Variants in BRD8 observed in about 807,000 individuals in gnomAD.
BRD8 encodes bromodomain containing 8.
Under a neutral mutation model 143.1 loss-of-function variants are expected in BRD8, and 67 were observed. The observed-to-expected ratio is 0.47, with a 90% CI of 0.38 to 0.57. The LOEUF (loss-of-function observed/expected upper bound fraction) is 0.57. Among genes scored for constraint, BRD8 ranks in the 20% least tolerant of loss-of-function variants. The pLI is 0.00. For synonymous variants in BRD8, 505 were observed against 517.1 expected (o/e 0.98, Z 0.32); for missense variants, 1,103 against 1,503.0 (o/e 0.73, Z 4.40).
intron 23 of BRD8, among the ~76,000 whole-genome samples, chr5:138,147,535 G>T (rs938519736): frequency 4.6e-5 from 7 of 152,094 alleles, no homozygotes; most frequent in African/African-American, 1.7e-4. Context: ...TTTGCTGGAC[G>T]TAGTGGCTCA....
intron 25 of BRD8, among the ~76,000 whole-genome samples, chr5:138,142,552 C>G (rs1022101895): frequency 6.6e-6 from 1 of 151,546 alleles, no homozygotes; most frequent in Non-Finnish European, 1.5e-5. Flanking sequence ...ATCACGAGGT[C>G]AAGAGATTGA....
At chr5:138,161,757 A>T (rs1753016355) in intron 17 of BRD8, 39 bp downstream of exon 17, 1 of 1,589,282 alleles carries the variant, frequency 6.3e-7, no homozygotes, top group Non-Finnish European at 8.6e-7. Flanking sequence ...ACAATTTATA[A>T]TTCAGGCAAG....
intron 2 of BRD8, among the ~76,000 whole-genome samples, chr5:138,173,189 G>A (rs1222331927): frequency 6.6e-6 from 1 of 152,132 alleles, no homozygotes; most frequent in Non-Finnish European, 1.5e-5. Context: ...CTTGAGATGA[G>A]GAGTTTGAGA....
intron 25 of BRD8, among the ~76,000 whole-genome samples, chr5:138,143,833 G>A (rs1752018792): frequency 6.6e-6 from 1 of 152,200 alleles, no homozygotes; most frequent in East Asian, 1.9e-4. Flanking sequence ...TCAGCACTCT[G>A]TAAAATGGAC....
chr5:138,171,499 T>G, intron 3 of BRD8, 89 bp from the exon 4 acceptor site: 1 of 861,082 alleles, frequency 1.2e-6, no homozygotes, highest in Non-Finnish European at 1.9e-6. Context: ...AGAGTAAGAT[T>G]TAGAGAAGAG....
chr5:138,140,250 T>A, intron 26 of BRD8, 84 bp from the exon 27 acceptor site: 1 of 993,746 alleles, frequency 1.0e-6, no homozygotes, highest in Non-Finnish European at 1.6e-6. Flanking sequence ...GCAAATAGAC[T>A]CAACTATACT....
chr5:138,142,380 G>A (rs1225275038), intron 25 of BRD8, among the ~76,000 whole-genome samples: 1 of 152,172 alleles, frequency 6.6e-6, no homozygotes, highest in Non-Finnish European at 1.5e-5. Context: ...TAGCAGCACA[G>A]ACTAGTGACT....
chr5:138,152,362 T>C (rs1752408157), intron 21 of BRD8, 120 bp downstream of exon 21: 1 of 1,356,324 alleles, frequency 7.4e-7, no homozygotes, highest in African/African-American at 1.5e-5. Context: ...ACTTAATCCC[T>C]GCCACTGTGG....
rs1182995475 is a variant in BRD8, at chr5:138,163,270, A to G, written c.1947T>C (p.Asp649=). The change falls in exon 15 of 27, where the codon GAT becomes GAC. Residue 649 remains aspartate, a synonymous_variant. Transcript: ENST00000254900. ...AASLEEPKEE[D]QGEGYLSEMD... ...TTTCTGACAAGTAGCCTTCTCCTTG[A>G]TCCTCTTCCTTAGGCTCCTCTAGGC... is the stretch of plus-strand genomic sequence containing the variant. 7 of 1,613,946 alleles carry G rather than the reference A, an allele frequency of 4.3e-6. No homozygotes were observed. Among genetic ancestry groups the G allele is most frequent in the Non-Finnish European group, 5.9e-6 (7 of 1,180,026 alleles).
At chr5:138,152,186 C>T (rs1420147995) in intron 21 of BRD8, among the ~76,000 whole-genome samples, 2 of 151,898 alleles carry the variant, frequency 1.3e-5, no homozygotes, top group African/African-American at 4.8e-5. Flanking sequence ...GATGGGGTTT[C>T]ACCATGTTGG....
At position 138,171,148 on chromosome 5, in the gene BRD8, A is replaced by C. The variant is rs759053564; in HGVS notation, c.249T>G (p.Gly83=). Residue 83 remains glycine (G), a synonymous_variant, in exon 5 of 27, where the codon GGT becomes GGG. Coordinates refer to ENST00000254900, the MANE Select transcript of BRD8 (RefSeq NM_139199.2). ...CAGTTTCCACCACTTCTCCCTTTTC[A>C]CCTCGTTTCCGTCTGTGGAAAATTG... ...ETTETPKRKR[G]EKGEVVETVE... is the part of the protein sequence containing the mutation. The C allele has an allele frequency of 2.0e-5, 33 of 1,609,898 alleles. No individual in the cohort carries two copies. The highest frequency in any genetic ancestry group is 2.6e-5 in the Non-Finnish European group (31 of 1,178,808).
In BRD8 at chr5:138,170,332, A is replaced by T. The variant is rs763361028; in HGVS notation, c.505+13T>A. On this transcript the variant is annotated intron_variant, in intron 7 of 26. Transcript: ENST00000254900. ...CAATCAATTGCTAAAGAGGCATACT[A>T]GGTTCAGCTTACCCTGGTATGCAGC... 4 of 1,565,510 alleles carry T rather than the reference A, an allele frequency of 2.6e-6. No individual in the cohort carries two copies. In the South Asian group the frequency reaches 3.3e-5, roughly 13 times the overall value.
chr5:138,146,969 C>CAAAAAAAA (rs60597015), intron 23 of BRD8, among the ~76,000 whole-genome samples: 1 of 49,048 alleles, frequency 2.0e-5, no homozygotes, highest in Non-Finnish European at 4.4e-5. Flanking sequence ...AACTCCGTCT[C>CAAAAAAAA]AAAAAAAAAA....
intron 6 of BRD8, 137 bp from the exon 7 acceptor site, chr5:138,170,546 A>G (rs749810379): frequency 2.1e-6 from 2 of 953,798 alleles, no homozygotes; most frequent in Non-Finnish European, 3.4e-6. Flanking sequence ...CTAACCAGCA[A>G]AACAGTGAAT....
At chr5:138,156,929 G>T in intron 20 of BRD8, 1 of 1,232,566 alleles carries the variant, frequency 8.1e-7, no homozygotes. Context: ...TTTCACTGGT[G>T]GTTGTTTTTT....
intron 15 of BRD8, 78 bp from the exon 16 acceptor site, chr5:138,162,224 G>C: frequency 6.1e-6 from 7 of 1,156,224 alleles, no homozygotes; most frequent in Non-Finnish European, 8.6e-6. Flanking sequence ...TTTTGAGACA[G>C]GGTCTCACTC....
At chr5:138,166,492 G>T in intron 10 of BRD8, 26 bp downstream of exon 10, 1 of 1,508,558 alleles carries the variant, frequency 6.6e-7, no homozygotes, top group Non-Finnish European at 9.0e-7. Flanking sequence ...TGAAATTTTA[G>T]ATCTAGTGGC....
chr5:138,177,279 C>A, intron 2 of BRD8: 1 of 231,598 alleles, frequency 4.3e-6, no homozygotes, highest in South Asian at 5.3e-5. Flanking sequence ...CCTGTAATCC[C>A]AGCACTCTGG....
chr5:138,169,434 C>A, intron 7 of BRD8, 76 bp from the exon 8 acceptor site: 1 of 1,495,188 alleles, frequency 6.7e-7, no homozygotes, highest in Non-Finnish European at 9.1e-7. Flanking sequence ...TGCTATTATA[C>A]AATAAAGGAC....
Sources: allele counts gnomAD v4.1 joint callset (sites outside exome capture counted in the v4.1 genomes callset), GRCh38; gene constraint gnomAD v4.1.1; transcripts MANE v1.5; gene names NCBI Gene and HGNC (gene_info 2026-07-23, HGNC 2026-07-21).